DLGAP1: variants seen among roughly 807,000 people sequenced by gnomAD.
The protein encoded by DLGAP1 is DLG associated protein 1.
In DLGAP1, 11 loss-of-function variants were observed where a neutral mutation model predicts 90.8. That is an observed-to-expected ratio of 0.12 (90% CI 0.08 to 0.20). DLGAP1 has a LOEUF of 0.20. Ranked by LOEUF, DLGAP1 falls within the 10% of genes least tolerant of loss-of-function variation. DLGAP1 has a pLI of 1.00. For missense variants in DLGAP1, 1,050 were observed against 1,333.8 expected (o/e 0.79, Z 3.31); for synonymous variants, 558 against 540.7 (o/e 1.03, Z -0.44).
intron 4 of DLGAP1, among the ~76,000 whole-genome samples, chr18:3,858,985 A>G (rs949804132): frequency 6.6e-6 from 1 of 152,236 alleles, no homozygotes; most frequent in Non-Finnish European, 1.5e-5. Context: ...GGTTATAAGT[A>G]TATTTTAAGT....
rs936171644 is a variant in DLGAP1, at chr18:4,189,212, G to T, written c.-266-37925C>A. Among the ~76,000 whole-genome samples, 2 of 152,014 alleles carry T rather than the reference G, an allele frequency of 1.3e-5. 1 individual carries two copies. Among genetic ancestry groups the T allele is most frequent in the Admixed American group, 1.3e-4 (2 of 15,236 alleles). ...ATGTATTATACATATAAAGATAATG[G>T]AATAATATTTTTTCTTGGTAATTTC... On this transcript the variant is annotated intron_variant, in intron 1 of 12. Coordinates refer to ENST00000315677, the MANE Select transcript of DLGAP1 (RefSeq NM_004746.4).
At chr18:4,094,754 T>C (rs1568393458) in intron 2 of DLGAP1, among the ~76,000 whole-genome samples, 1 of 151,836 alleles carries the variant, frequency 6.6e-6, no homozygotes. Context: ...TGCGCCACCA[T>C]GCCTGGCTAG....
chr18:4,128,300 A>T (rs2144178304), intron 2 of DLGAP1, among the ~76,000 whole-genome samples: 1 of 152,274 alleles, frequency 6.6e-6, no homozygotes, highest in Admixed American at 6.5e-5. Context: ...AGTAATCTAG[A>T]GATGATTTAA....
At chr18:4,185,094 T>C (rs1384896096) in intron 1 of DLGAP1, among the ~76,000 whole-genome samples, 1 of 152,142 alleles carries the variant, frequency 6.6e-6, no homozygotes. Flanking sequence ...CTCGACAGTG[T>C]CTGTTAAATA....
At chr18:3,807,532 C>T (rs753273699) in intron 5 of DLGAP1, among the ~76,000 whole-genome samples, 5 of 152,034 alleles carry the variant, frequency 3.3e-5, no homozygotes, top group African/African-American at 7.2e-5. Flanking sequence ...ATGTAAAGCC[C>T]GTAGCACTCA....
intron 3 of DLGAP1, among the ~76,000 whole-genome samples, chr18:3,979,275 C>T (rs766837064): frequency 6.6e-6 from 1 of 152,126 alleles, no homozygotes; most frequent in East Asian, 1.9e-4. Flanking sequence ...AAATATTTAC[C>T]GTGGTGTTAC....
At chr18:4,115,717 A>G (rs2076053066) in intron 2 of DLGAP1, among the ~76,000 whole-genome samples, 2 of 151,470 alleles carry the variant, frequency 1.3e-5, no homozygotes, top group African/African-American at 4.9e-5. Context: ...CAATTTCCTG[A>G]CCTCCCAAAG....
intron 1 of DLGAP1, among the ~76,000 whole-genome samples, chr18:4,446,086 G>A (rs2083659189): frequency 6.6e-6 from 1 of 152,170 alleles, no homozygotes; most frequent in Non-Finnish European, 1.5e-5. Flanking sequence ...GAACAGCAGA[G>A]CCCTGACAAA....
At position 4,002,904 on chromosome 18, in the gene DLGAP1, C is replaced by T. The variant is rs369459876; in HGVS notation, c.-73+2212G>A. On this transcript the variant is annotated intron_variant, in intron 3 of 12. Coordinates refer to ENST00000315677, the MANE Select transcript of DLGAP1 (RefSeq NM_004746.4). ...GGTCTCTATCTCTCTCTCCCCTTCC[C>T]GGTCTGTGAAAAGTCTCTGCGTGTC... Among the ~76,000 whole-genome samples, 246 of 152,280 alleles carry T rather than the reference C, an allele frequency of 1.6e-3. 3 individuals are homozygous for T. The South Asian group carries it at 0.029, about 18-fold the overall frequency.
At chr18:4,095,393 C>T (rs1270164898) in intron 2 of DLGAP1, among the ~76,000 whole-genome samples, 1 of 152,086 alleles carries the variant, frequency 6.6e-6, no homozygotes, top group Non-Finnish European at 1.5e-5. Context: ...ATAGATGTAT[C>T]CCCATGAGAC....
At chr18:4,141,480 C>T (rs1453894341) in intron 2 of DLGAP1, among the ~76,000 whole-genome samples, 1 of 152,006 alleles carries the variant, frequency 6.6e-6, no homozygotes, top group Admixed American at 6.5e-5. Context: ...CTCTGGAAAA[C>T]TCCACTAGGT....
At chr18:3,776,641 A>G (rs182894590) in intron 5 of DLGAP1, among the ~76,000 whole-genome samples, 3 of 152,320 alleles carry the variant, frequency 2.0e-5, no homozygotes, top group South Asian at 2.1e-4. Flanking sequence ...CAGTGCCAGC[A>G]CATTTCTTTA....
chr18:3,744,273 G>A (rs1240393566), intron 5 of DLGAP1, among the ~76,000 whole-genome samples: 1 of 151,982 alleles, frequency 6.6e-6, no homozygotes, highest in Non-Finnish European at 1.5e-5. Context: ...AAGGTAGCTA[G>A]ATACAAGGTA....
intron 1 of DLGAP1, among the ~76,000 whole-genome samples, chr18:4,265,467 C>CCCCT (rs2079092498): frequency 6.8e-6 from 1 of 145,992 alleles, no homozygotes; most frequent in African/African-American, 2.6e-5. Flanking sequence ...CTGCACCCAG[C>CCCCT]CCCTTCCTTC....
At chr18:3,966,189 G>A (rs1487279404) in intron 3 of DLGAP1, among the ~76,000 whole-genome samples, 1 of 152,098 alleles carries the variant, frequency 6.6e-6, no homozygotes, top group Non-Finnish European at 1.5e-5. Flanking sequence ...AAGGGTGAAA[G>A]CTCAGAGGCT....
At chr18:3,708,094 C>T (rs2061492824) in intron 7 of DLGAP1, among the ~76,000 whole-genome samples, 1 of 151,952 alleles carries the variant, frequency 6.6e-6, no homozygotes, top group African/African-American at 2.4e-5. Flanking sequence ...CAACCTCCAC[C>T]TCCGGGGCTC....
chr18:3,782,131 T>A (rs916765137), intron 5 of DLGAP1, among the ~76,000 whole-genome samples: 1 of 152,000 alleles, frequency 6.6e-6, no homozygotes, highest in African/African-American at 2.4e-5. Context: ...AGTTCACTTT[T>A]GCTCTAAGAT....
rs9945507 is a variant in DLGAP1 at position 3,920,643 on chromosome 18, A to G, written c.-72-40503T>C. Among the ~76,000 whole-genome samples, 1,349 of 152,178 alleles carry G rather than the reference A, an allele frequency of 8.9e-3. 12 individuals are homozygous for G. The highest frequency in any genetic ancestry group is 0.026 in the African/African-American group (1,078 of 41,502). On this transcript the variant is annotated intron_variant, in intron 3 of 12. Transcript: ENST00000315677. Reference sequence around the variant, plus strand: ...TTGCATTGCCTTGCACTTGGCGTTCAGTTAGGGCGAAACTCTCTCTCTCCC... The same window carrying G: ...TTGCATTGCCTTGCACTTGGCGTTCGGTTAGGGCGAAACTCTCTCTCTCCC...
At chr18:4,102,153 G>A (rs2075789821) in intron 2 of DLGAP1, among the ~76,000 whole-genome samples, 1 of 152,096 alleles carries the variant, frequency 6.6e-6, no homozygotes, top group Non-Finnish European at 1.5e-5. Flanking sequence ...CAAAATAGAT[G>A]TTCAACTTTT....
Sources: allele counts gnomAD v4.1 joint callset (sites outside exome capture counted in the v4.1 genomes callset), GRCh38; gene constraint gnomAD v4.1.1; transcripts MANE v1.5; gene names NCBI Gene and HGNC (gene_info 2026-07-23, HGNC 2026-07-21).